The following CCDC192 variants were observed in gnomAD, a reference collection of about 807,000 sequenced individuals.
The protein encoded by CCDC192 is coiled-coil domain containing 192, also known as coiled-coil domain-containing protein 192.
chr5:127,826,400 A>T (rs1444999521), intron 5 of CCDC192, among the ~76,000 whole-genome samples: 1 of 152,052 alleles, frequency 6.6e-6, no homozygotes, highest in Admixed American at 6.6e-5. Flanking sequence ...CTTAAAACAG[A>T]GCTACCATTT....
chr5:127,763,105 T>A (rs1283750852), intron 3 of CCDC192, among the ~76,000 whole-genome samples: 2 of 151,660 alleles, frequency 1.3e-5, no homozygotes, highest in East Asian at 3.9e-4. Context: ...CACAATCTGC[T>A]GAAAAGCCTT....
intron 1 of CCDC192, among the ~76,000 whole-genome samples, chr5:127,704,685 C>CTAAA (rs1016758950): frequency 1.3e-5 from 2 of 151,956 alleles, no homozygotes; most frequent in African/African-American, 4.8e-5. Flanking sequence ...GGGAGTAAGG[C>CTAAA]TTTATCCATT....
At chr5:127,868,013 T>TC (rs1751685303) in intron 5 of CCDC192, among the ~76,000 whole-genome samples, 1 of 151,224 alleles carries the variant, frequency 6.6e-6, no homozygotes. Context: ...CTTTTTCTTT[T>TC]TTTTTTTTTT....
chr5:127,893,612 T>C (rs1326164954), intron 6 of CCDC192, among the ~76,000 whole-genome samples: 2 of 152,222 alleles, frequency 1.3e-5, no homozygotes, highest in Non-Finnish European at 2.9e-5. Flanking sequence ...GCCAGTATCA[T>C]ATAAAATGCC....
At chr5:127,812,363 G>A (rs553718117) in intron 5 of CCDC192, among the ~76,000 whole-genome samples, 2 of 152,254 alleles carry the variant, frequency 1.3e-5, no homozygotes, top group South Asian at 4.1e-4. Context: ...ACCTCAACAG[G>A]ATTATTGTGA....
At chr5:127,862,045 A>G (rs1189465346) in intron 5 of CCDC192, among the ~76,000 whole-genome samples, 1 of 152,230 alleles carries the variant, frequency 6.6e-6, no homozygotes, top group African/African-American at 2.4e-5. Context: ...TCTCCAAGTC[A>G]GAGACAGAGG....
chr5:127,720,039 G>T (rs2673770), intron 2 of CCDC192, among the ~76,000 whole-genome samples: 118,173 of 151,916 alleles, frequency 0.78, 46,077 homozygotes, highest in East Asian at 0.88. Flanking sequence ...CTCCCAAATC[G>T]CACGTCCTTC....
intron 6 of CCDC192, among the ~76,000 whole-genome samples, chr5:127,925,219 A>T (rs1753830888): frequency 6.6e-6 from 1 of 152,222 alleles, no homozygotes; most frequent in Non-Finnish European, 1.5e-5. Context: ...ACTATTGGAA[A>T]AAACACCTAT....
At chr5:127,862,702 T>A (rs1332738641) in intron 5 of CCDC192, among the ~76,000 whole-genome samples, 1 of 152,212 alleles carries the variant, frequency 6.6e-6, no homozygotes, top group Non-Finnish European at 1.5e-5. Flanking sequence ...CACCACTTAA[T>A]TAGCTTATCT....
At chr5:127,925,034 A>C (rs1257849343) in intron 6 of CCDC192, among the ~76,000 whole-genome samples, 1 of 148,554 alleles carries the variant, frequency 6.7e-6, no homozygotes, top group Non-Finnish European at 1.5e-5. Flanking sequence ...AAATATATAA[A>C]ACAAAACTTA....
chr5:127,915,783 ATTC>A (rs767340885), intron 6 of CCDC192, among the ~76,000 whole-genome samples: 5 of 152,090 alleles, frequency 3.3e-5, no homozygotes, highest in African/African-American at 4.8e-5. Flanking sequence ...GCTCAAGACA[ATTC>A]TTCTTCCAAT....
At chr5:127,886,099 A>C (rs151856) in intron 6 of CCDC192, among the ~76,000 whole-genome samples, 3 of 151,880 alleles carry the variant, frequency 2.0e-5, no homozygotes, top group East Asian at 1.9e-4. Context: ...GCTCTTCTGC[A>C]CGTGCTTTTC....
intron 5 of CCDC192, among the ~76,000 whole-genome samples, chr5:127,865,433 A>G (rs1751568297): frequency 6.6e-6 from 1 of 151,848 alleles, no homozygotes; most frequent in Non-Finnish European, 1.5e-5. Flanking sequence ...GTAGCAGACT[A>G]TTGCTATTTT....
Position 127,855,238 on chromosome 5 carries a change from C to T in CCDC192, c.412-20300C>T, listed in dbSNP as rs569791450. Among the ~76,000 whole-genome samples the T allele has an allele frequency of 1.3e-3, 201 of 152,306 alleles. 1 individual carries two copies. The highest frequency in any genetic ancestry group is 4.8e-3 in the African/African-American group (198 of 41,568). On this transcript the variant is annotated intron_variant, in intron 5 of 6. Coordinates refer to ENST00000514853, the MANE Select transcript of CCDC192 (RefSeq NM_001317938.2). ...AAACTGGAGTCAATCCTCTCAAACC[C>T]TGCCACTGCTATATCATCTAAGTTT...
intron 5 of CCDC192, among the ~76,000 whole-genome samples, chr5:127,848,008 C>A (rs71587959): frequency 6.6e-6 from 1 of 151,912 alleles, no homozygotes; most frequent in Non-Finnish European, 1.5e-5. Flanking sequence ...TGTTGGCCAG[C>A]CTGGTCTTCA....
intron 6 of CCDC192, among the ~76,000 whole-genome samples, chr5:127,924,486 G>T (rs924160891): frequency 5.3e-5 from 8 of 152,006 alleles, no homozygotes; most frequent in Non-Finnish European, 8.8e-5. Flanking sequence ...ATAATAGATG[G>T]AAACAAAAAA....
intron 3 of CCDC192, among the ~76,000 whole-genome samples, chr5:127,772,635 T>C (rs957986131): frequency 6.6e-6 from 1 of 152,112 alleles, no homozygotes; most frequent in Non-Finnish European, 1.5e-5. Context: ...TGTGCATCTT[T>C]TTAAAAATCT....
At chr5:127,939,486 C>G (rs1471175565) in intron 6 of CCDC192, among the ~76,000 whole-genome samples, 2 of 151,910 alleles carry the variant, frequency 1.3e-5, no homozygotes, top group African/African-American at 4.8e-5. Flanking sequence ...CAAAAATTTC[C>G]CCATGGATTC....
chr5:127,898,114 T>A (rs941114017), intron 6 of CCDC192, among the ~76,000 whole-genome samples: 1 of 150,384 alleles, frequency 6.6e-6, no homozygotes, highest in East Asian at 1.9e-4. Flanking sequence ...ATGGTCCAGT[T>A]TTTTTTTTTT....
Sources: gnomAD v4.1 joint callset for allele counts (sites outside exome capture counted in the v4.1 genomes callset) on GRCh38, gnomAD v4.1.1 for gene constraint, MANE v1.5 for transcripts, NCBI Gene and HGNC (gene_info 2026-07-23, HGNC 2026-07-21) for gene names.